The following SANBR variants were observed in gnomAD, a reference collection of about 807,000 sequenced individuals.
SANBR encodes the protein SANT and BTB domain regulator of class switch recombination.
Under a neutral mutation model 101.8 loss-of-function variants are expected in SANBR, and 77 were observed. The observed-to-expected ratio is 0.76, with a 90% CI of 0.63 to 0.91. The LOEUF (loss-of-function observed/expected upper bound fraction) is 0.91. Ranked by LOEUF, SANBR falls within the 40% of genes least tolerant of loss-of-function variation. The pLI is 0.00. For missense variants in SANBR, 875 were observed against 853.0 expected (o/e 1.03, Z -0.32); for synonymous variants, 279 against 274.7 (o/e 1.02, Z -0.15).
intron 16 of SANBR, among the ~76,000 whole-genome samples, chr2:61,112,970 A>G (rs1051470348): frequency 1.3e-5 from 2 of 152,112 alleles, no homozygotes; most frequent in Non-Finnish European, 2.9e-5. Context: ...TTAGCTTTTT[A>G]TTTAAGATTA....
intron 10 of SANBR, among the ~76,000 whole-genome samples, chr2:61,089,928 A>G (rs1286556944): frequency 6.6e-6 from 1 of 152,060 alleles, no homozygotes; most frequent in Non-Finnish European, 1.5e-5. Flanking sequence ...GCATTTTGGG[A>G]GGCTGAGGTG....
chr2:61,102,325 C>G (rs888097770), intron 12 of SANBR, among the ~76,000 whole-genome samples: 7 of 134,414 alleles, frequency 5.2e-5, no homozygotes, highest in Non-Finnish European at 1.1e-4. Context: ...CGCGATCGTA[C>G]CACTGCACTC....
intron 20 of SANBR, among the ~76,000 whole-genome samples, chr2:61,129,396 A>G (rs961288544): frequency 1.3e-5 from 2 of 151,882 alleles, no homozygotes; most frequent in South Asian, 2.1e-4. Flanking sequence ...GTGAGCCGAG[A>G]TCATGACACT....
chr2:61,118,464 C>T (rs904470174), intron 20 of SANBR, among the ~76,000 whole-genome samples: 3 of 151,504 alleles, frequency 2.0e-5, no homozygotes, highest in African/African-American at 7.3e-5. Context: ...TGGTCTCGAA[C>T]TCCTGACCTC....
intron 4 of SANBR, 141 bp downstream of exon 4, chr2:61,071,933 G>C (rs1681495320): frequency 3.4e-6 from 2 of 588,934 alleles, no homozygotes; most frequent in African/African-American, 4.0e-5. Flanking sequence ...GTATCTTCCT[G>C]AATTTTGTTG....
intron 14 of SANBR, 127 bp from the exon 15 acceptor site, chr2:61,108,190 T>C (rs945225446): frequency 1.0e-5 from 5 of 495,224 alleles, no homozygotes; most frequent in Non-Finnish European, 1.4e-5. Context: ...AGTTTTAAAT[T>C]ATGTTTCAGC....
At chr2:61,124,580 C>G (rs1252470679), downstream of SANBR, among the ~76,000 whole-genome samples, 1 of 151,940 alleles carries the variant, frequency 6.6e-6, no homozygotes, top group East Asian at 1.9e-4. Flanking sequence ...GTGGCACACA[C>G]CTGTGGTCCC....
chr2:61,067,193 G>C (rs1418761414), intron 1 of SANBR, among the ~76,000 whole-genome samples: 1 of 152,150 alleles, frequency 6.6e-6, no homozygotes, highest in African/African-American at 2.4e-5. Flanking sequence ...CCCTTGCCTA[G>C]TACAGTTGTA....
At chr2:61,100,859 A>T (rs1288109545) in intron 12 of SANBR, among the ~76,000 whole-genome samples, 1 of 152,180 alleles carries the variant, frequency 6.6e-6, no homozygotes, top group East Asian at 1.9e-4. Context: ...ATAATTCAAC[A>T]TGCCTGTTTA....
At chr2:61,116,151 A>C in intron 17 of SANBR, 81 bp downstream of exon 17, 2 of 907,670 alleles carry the variant, frequency 2.2e-6, no homozygotes, top group Non-Finnish European at 3.4e-6. Flanking sequence ...AAAAAGAGTA[A>C]TGAAGACACA....
chr2:61,094,139 T>C (rs1190530900), intron 11 of SANBR: 1 of 916,172 alleles, frequency 1.1e-6, no homozygotes, highest in Non-Finnish European at 1.3e-6. Flanking sequence ...TAAAAAGGTT[T>C]GTTGAAGTAT....
At chr2:61,121,116 T>A in intron 20 of SANBR, 69 bp from the exon 21 acceptor site, 1 of 1,073,774 alleles carries the variant, frequency 9.3e-7, no homozygotes, top group Non-Finnish European at 1.4e-6. Flanking sequence ...TAAAAAGTAA[T>A]CCCATTTTAA....
chr2:61,088,755 A>G (rs1682589655), intron 10 of SANBR: 3 of 497,182 alleles, frequency 6.0e-6, no homozygotes, highest in Non-Finnish European at 7.9e-6. Context: ...TCCTGACCTC[A>G]TGATTTGCCC....
chr2:61,124,230 A>G lies in SANBR; in HGVS notation c.*2068A>G. 2.1e-6 allele frequency: 2 copies of G among 971,450 alleles called. No individual in the cohort carries two copies. Among genetic ancestry groups the G allele is most frequent in the Non-Finnish European group, 2.4e-6 (2 of 817,074 alleles). 60.2% of individuals were successfully genotyped at this position (971,450 alleles called of 1,614,324 possible). A position where few individuals can be genotyped will look rare whatever the true frequency, so the allele number is the denominator to read the frequency against. On this transcript the variant is annotated 3_prime_UTR_variant, in exon 22 of 22. Coordinates refer to ENST00000402291, the MANE Select transcript of SANBR (RefSeq NM_001129993.3). ...CAGATACTTTAATATTTCACCTTAC[A>G]TTAATCCTGGATTCACATTTCTTTA... is the stretch of plus-strand genomic sequence containing the variant.
chr2:61,112,867 T>A, intron 16 of SANBR, among the ~76,000 whole-genome samples: 1 of 152,258 alleles, frequency 6.6e-6, no homozygotes, highest in Non-Finnish European at 1.5e-5. Flanking sequence ...GTTTTTCCTT[T>A]TTATGTTCCA....
In SANBR at chr2:61,109,281, G is replaced by A; in HGVS notation, c.1729G>A (p.Val577Ile). 1 of 1,559,530 alleles carries A rather than the reference G, an allele frequency of 6.4e-7. No homozygotes were observed. Among genetic ancestry groups the A allele is most frequent in the South Asian group, 1.2e-5 (1 of 82,346 alleles). Reference sequence around the variant, plus strand: ...AGATGAAGTTGGAGATGAAGAAGAAGTATCCAAGAAACAAAGTATTGGTTT... The same window carrying A: ...AGATGAAGTTGGAGATGAAGAAGAAATATCCAAGAAACAAAGTATTGGTTT... ...TEDEVGDEEE[V>I]SKKQRKKEKP... The change falls in exon 16 of 22, where the codon GTA becomes ATA. Residue 577 changes from valine to isoleucine, a missense_variant. By Grantham distance (29) the Val-to-Ile change is conservative. Coordinates refer to ENST00000402291, the MANE Select transcript of SANBR (RefSeq NM_001129993.3).
At chr2:61,080,215 G>C (rs1356006998) in intron 6 of SANBR, among the ~76,000 whole-genome samples, 1 of 108,182 alleles carries the variant, frequency 9.2e-6, no homozygotes, top group Non-Finnish European at 2.0e-5. Flanking sequence ...AAAAAAAAAA[G>C]CAGCAAAGCT....
Position 61,085,783 on chromosome 2 carries a change from T to C in SANBR, c.891-2376T>C, listed in dbSNP as rs1046073655. On this transcript the variant is annotated intron_variant, in intron 8 of 21. Transcript: ENST00000402291. ...GCCTCGGCCTCCCAACGTGCTGAGA[T>C]TACAGACGTGAGCCACCACACCCAG... 4.6e-5 allele frequency among the ~76,000 whole-genome samples: 7 copies of C among 152,188 alleles called. No individual in the cohort carries two copies. In the East Asian group the frequency reaches 1.3e-3, roughly 29 times the overall value.
At chr2:61,078,673 C>T (rs1681923558) in intron 6 of SANBR, among the ~76,000 whole-genome samples, 1 of 152,118 alleles carries the variant, frequency 6.6e-6, no homozygotes, top group Non-Finnish European at 1.5e-5. Flanking sequence ...CTGCCCGCCT[C>T]AGCCTCCTGA....
Sources: allele counts gnomAD v4.1 joint callset (sites outside exome capture counted in the v4.1 genomes callset), GRCh38; gene constraint gnomAD v4.1.1; transcripts MANE v1.5; gene names NCBI Gene and HGNC (gene_info 2026-07-23, HGNC 2026-07-21).